The following RABGAP1 variants were observed in gnomAD, a reference collection of about 807,000 sequenced individuals.
The protein encoded by RABGAP1 is rab GTPase-activating protein 1.
In RABGAP1, 23 loss-of-function variants were observed where a neutral mutation model predicts 137.6. The observed-to-expected ratio is 0.17, with a 90% CI of 0.12 to 0.24. The LOEUF is 0.24. RABGAP1 is among the 10% of genes least tolerant of loss of function. The probability of loss-of-function intolerance (pLI) is 1.00; values close to 1 mark genes in which losing one functional copy is unlikely to be tolerated. For missense variants in RABGAP1, 906 were observed against 1,275.8 expected, an observed-to-expected ratio of 0.71 and a Z score of 4.42; for synonymous variants, 451 against 450.7, an observed-to-expected ratio of 1.00 and a Z score of -0.01.
chr9:122,972,409 G>A (rs1187286160), intron 2 of RABGAP1, among the ~76,000 whole-genome samples: 1 of 152,180 alleles, frequency 6.6e-6, no homozygotes, highest in Non-Finnish European at 1.5e-5. Context: ...TGGTGGGTCG[G>A]GTGGGGACTG....
intron 13 of RABGAP1, among the ~76,000 whole-genome samples, chr9:123,021,685 A>G (rs970834295): frequency 6.6e-6 from 1 of 152,218 alleles, no homozygotes; most frequent in East Asian, 1.9e-4. Context: ...TGTCTTCAGA[A>G]TATTAATGTT....
chr9:122,951,636 T>G (rs1311077034), intron 1 of RABGAP1, among the ~76,000 whole-genome samples: 1 of 151,858 alleles, frequency 6.6e-6, no homozygotes, highest in East Asian at 1.9e-4. Flanking sequence ...AGTGTCTCCA[T>G]CATAGTTCAC....
intron 13 of RABGAP1, among the ~76,000 whole-genome samples, chr9:123,039,241 C>T (rs1328936446): frequency 6.6e-6 from 1 of 152,268 alleles, no homozygotes; most frequent in South Asian, 2.1e-4. Flanking sequence ...AATAAATGCT[C>T]ATCCTCCTAA....
intron 2 of RABGAP1, among the ~76,000 whole-genome samples, chr9:122,964,256 C>T (rs1219547011): frequency 6.6e-6 from 1 of 152,164 alleles, no homozygotes; most frequent in African/African-American, 2.4e-5. Flanking sequence ...CAGACAAAGA[C>T]ATCAAAGGGA....
chr9:122,977,009 A>G (rs1835796724), intron 2 of RABGAP1, among the ~76,000 whole-genome samples: 1 of 152,220 alleles, frequency 6.6e-6, no homozygotes, highest in Non-Finnish European at 1.5e-5. Context: ...GTTTGCTGTG[A>G]CTAAGTGACT....
chr9:123,041,909 C>A (rs1346025605), intron 13 of RABGAP1, among the ~76,000 whole-genome samples: 2 of 152,150 alleles, frequency 1.3e-5, no homozygotes, highest in African/African-American at 2.4e-5. Context: ...ATTTAGACAT[C>A]ATCACCCCTT....
chr9:122,950,943 C>A (rs1343323714), intron 1 of RABGAP1, among the ~76,000 whole-genome samples: 1 of 152,062 alleles, frequency 6.6e-6, no homozygotes, highest in Non-Finnish European at 1.5e-5. Context: ...ATAAGAGTTT[C>A]AGAATAAGAA....
intron 7 of RABGAP1, 29 bp downstream of exon 7, chr9:122,996,180 A>G: frequency 1.9e-6 from 3 of 1,587,474 alleles, no homozygotes; most frequent in Non-Finnish European, 2.6e-6. Context: ...TTTAGCTTAA[A>G]TATAAATTTT....
At chr9:122,984,153 T>C (rs1332063586) in intron 2 of RABGAP1, among the ~76,000 whole-genome samples, 3 of 152,236 alleles carry the variant, frequency 2.0e-5, no homozygotes, top group Non-Finnish European at 2.9e-5. Flanking sequence ...AAAAGCGTTA[T>C]TTCTTATCAG....
intron 13 of RABGAP1, among the ~76,000 whole-genome samples, chr9:123,053,288 A>G (rs937670210): frequency 1.3e-5 from 2 of 152,204 alleles, no homozygotes; most frequent in Non-Finnish European, 2.9e-5. Context: ...ATCTGTTTTC[A>G]TAGGCTTAAC....
chr9:122,931,966 A>G, the RABGAP1 span, among the ~76,000 whole-genome samples: 77 of 152,272 alleles, frequency 5.1e-4, no homozygotes, highest in African/African-American at 1.8e-3. Flanking sequence ...TGTGTTTTTC[A>G]GGGTTCTTGC....
At chr9:123,058,409 AT>A (rs1263258873) in intron 13 of RABGAP1, among the ~76,000 whole-genome samples, 3 of 152,348 alleles carry the variant, frequency 2.0e-5, no homozygotes, top group African/African-American at 7.2e-5. Flanking sequence ...TGCGAACCAA[AT>A]ATTAGCCATA....
intron 1 of RABGAP1, among the ~76,000 whole-genome samples, chr9:122,945,147 C>CTTGTTTTTTTTTTTTTTTTTTTTTT (rs1833872459): frequency 4.0e-5 from 3 of 75,770 alleles, no homozygotes; most frequent in Non-Finnish European, 8.6e-5. Context: ...ATAGCTGTTG[C>CTTGTTTTTTTTTTTTTTTTTTTTTT]TTTTTTTTTT....
chr9:122,989,149 T>C (rs1175412436), intron 4 of RABGAP1, 148 bp from the exon 5 acceptor site: 1 of 716,394 alleles, frequency 1.4e-6, no homozygotes, highest in Admixed American at 2.6e-5. Flanking sequence ...AATTCACATA[T>C]GAGTTACTTA....
chr9:122,952,923 T>C (rs1372672001), intron 1 of RABGAP1, among the ~76,000 whole-genome samples: 1 of 152,258 alleles, frequency 6.6e-6, no homozygotes, highest in Non-Finnish European at 1.5e-5. Context: ...CTATCTGTTT[T>C]ACAGAATTGT....
At chr9:123,065,877 A>G (rs1247602921) in intron 14 of RABGAP1, among the ~76,000 whole-genome samples, 1 of 152,232 alleles carries the variant, frequency 6.6e-6, no homozygotes, top group East Asian at 1.9e-4. Context: ...ATAGCACTGC[A>G]GCATAGTAAA....
chr9:123,060,921 CAA>C (rs1233021361), intron 13 of RABGAP1, among the ~76,000 whole-genome samples: 3 of 152,228 alleles, frequency 2.0e-5, no homozygotes, highest in Admixed American at 6.5e-5. Flanking sequence ...CAGGTTGTGA[CAA>C]AGTTTCTGAG....
intron 21 of RABGAP1, 120 bp downstream of exon 21, chr9:123,090,505 A>G: frequency 1.3e-6 from 1 of 749,776 alleles, no homozygotes; most frequent in Non-Finnish European, 2.1e-6. Context: ...CCCGCTTGTG[A>G]TACAACTTGC....
At chr9:122,950,228 T>C (rs1205075173) in intron 1 of RABGAP1, among the ~76,000 whole-genome samples, 1 of 152,006 alleles carries the variant, frequency 6.6e-6, no homozygotes, top group Admixed American at 6.6e-5. Flanking sequence ...GAGAATAAAA[T>C]ACAAGTCAAT....
Sources: allele counts gnomAD v4.1 joint callset (sites outside exome capture counted in the v4.1 genomes callset), GRCh38; gene constraint gnomAD v4.1.1; transcripts MANE v1.5; gene names NCBI Gene and HGNC (gene_info 2026-07-23, HGNC 2026-07-21).